The following NR3C1 variants were observed in gnomAD, a reference collection of about 807,000 sequenced individuals.
The protein encoded by NR3C1 is glucocorticoid receptor.
A neutral mutation model predicts 74.0 loss-of-function variants in NR3C1; 14 were observed. That is an observed-to-expected ratio of 0.19 (90% CI 0.12 to 0.30). The LOEUF is 0.30. NR3C1 is among the 10% of genes least tolerant of loss of function. The pLI, the probability that NR3C1 is intolerant of heterozygous loss-of-function variation, is 1.00. For missense variants in NR3C1, 695 were observed against 909.8 expected, an observed-to-expected ratio of 0.76 and a Z score of 3.04; for synonymous variants, 308 against 332.5, an observed-to-expected ratio of 0.93 and a Z score of 0.80.
At chr5:143,330,707 C>A (rs1825772526) in intron 2 of NR3C1, among the ~76,000 whole-genome samples, 1 of 152,162 alleles carries the variant, frequency 6.6e-6, no homozygotes. Context: ...GAAGTGGAAT[C>A]TCTGAAAATA....
intron 2 of NR3C1, among the ~76,000 whole-genome samples, chr5:143,354,715 G>A (rs1477818204): frequency 1.3e-5 from 2 of 152,058 alleles, no homozygotes; most frequent in African/African-American, 4.8e-5. Context: ...CTGAGGTCAG[G>A]AGTTCGAGAC....
intron 2 of NR3C1, among the ~76,000 whole-genome samples, chr5:143,364,769 G>T (rs547178678): frequency 6.6e-6 from 1 of 152,146 alleles, no homozygotes; most frequent in African/African-American, 2.4e-5. Context: ...GCAGTGGTGT[G>T]ATCAAAGTTC....
chr5:143,329,370 A>C (rs1401947665), intron 2 of NR3C1, among the ~76,000 whole-genome samples: 1 of 152,240 alleles, frequency 6.6e-6, no homozygotes, highest in Non-Finnish European at 1.5e-5. Context: ...TTACAATTCA[A>C]GATAAGATTT....
chr5:143,359,907 G>A (rs1831914943), intron 2 of NR3C1, among the ~76,000 whole-genome samples: 1 of 152,094 alleles, frequency 6.6e-6, no homozygotes, highest in African/African-American at 2.4e-5. Context: ...CACAGAACGA[G>A]ACTCCGTCTC....
rs1360665175 is a variant in NR3C1, at chr5:143,279,426, T to A, written c.*2463A>T. 1 of 1,514,018 alleles carries A rather than the reference T, an allele frequency of 6.6e-7. No individual in the cohort carries two copies. Among genetic ancestry groups the A allele is most frequent in the Non-Finnish European group, 8.8e-7 (1 of 1,135,708 alleles). The allele number at this position is 1,514,018 out of a possible 1,614,324, so 93.8% of individuals were successfully genotyped here. ...CACATAACATTCTATAAAGGAATGATAATCTACGTTTTAGAAGCTCTTTTT... is the reference window on the plus strand; with the variant it reads ...CACATAACATTCTATAAAGGAATGAAAATCTACGTTTTAGAAGCTCTTTTT... On this transcript the variant is annotated 3_prime_UTR_variant, in exon 9 of 9. Coordinates refer to ENST00000394464, the MANE Select transcript of NR3C1 (RefSeq NM_000176.3).
At chr5:143,383,831 T>C (rs552829673) in intron 2 of NR3C1, among the ~76,000 whole-genome samples, 1 of 152,360 alleles carries the variant, frequency 6.6e-6, no homozygotes, top group Admixed American at 6.5e-5. Flanking sequence ...CAGGGGGAAC[T>C]GTGACTTGCC....
Position 143,314,167 on chromosome 5 carries a change from G to C in NR3C1, c.1186C>G (p.Pro396Ala), listed in dbSNP as rs773179672. Residue 396 changes from proline to alanine, a missense_variant and splice_region_variant, in exon 3 of 9, where the codon CCC becomes GCC. By Grantham distance (27) the Pro-to-Ala change is conservative (BLOSUM62 -1). Around this residue, in one of 4 missense-constraint regions of NR3C1, gnomAD observed 497 missense variants for 489.5 expected, o/e 1.02. Coordinates refer to ENST00000394464, the MANE Select transcript of NR3C1 (RefSeq NM_000176.3). Reference sequence around the variant, plus strand: ...GAGCTTACATCTGGTCTCATGCTGGGGCTAAAGAAGGGGAAGAACAGTGTT... The same window carrying C: ...GAGCTTACATCTGGTCTCATGCTGGCGCTAAAGAAGGGGAAGAACAGTGTT... ...RTVFSNGYSSPSMRPDVSSPP... is the reference protein window; with the variant it reads ...RTVFSNGYSSASMRPDVSSPP... 2 of 1,613,442 alleles carry C rather than the reference G, an allele frequency of 1.2e-6. No homozygotes were observed. The highest frequency in any genetic ancestry group is 4.5e-5 in the East Asian group (2 of 44,876).
At chr5:143,415,317 A>G (rs1383836895) in intron 1 of NR3C1, among the ~76,000 whole-genome samples, 1 of 151,828 alleles carries the variant, frequency 6.6e-6, no homozygotes, top group Non-Finnish European at 1.5e-5. Flanking sequence ...TGAAATAGAA[A>G]GTAGAATTGT....
At chr5:143,368,741 G>A (rs535843229) in intron 2 of NR3C1, among the ~76,000 whole-genome samples, 3 of 152,280 alleles carry the variant, frequency 2.0e-5, no homozygotes, top group Admixed American at 1.3e-4. Flanking sequence ...ATACCCAATA[G>A]GATGGTGTCT....
chr5:143,299,435 G>A (rs569362882), intron 5 of NR3C1, among the ~76,000 whole-genome samples: 25 of 152,216 alleles, frequency 1.6e-4, no homozygotes, highest in Admixed American at 1.4e-3. Flanking sequence ...TTGGCTTGGC[G>A]GTTACCAGTG....
intron 2 of NR3C1, among the ~76,000 whole-genome samples, chr5:143,377,428 T>C (rs1835400299): frequency 6.6e-6 from 1 of 152,246 alleles, no homozygotes; most frequent in South Asian, 2.1e-4. Context: ...CATCTGATGA[T>C]GCTCTGGGCT....
chr5:143,356,688 CAAA>C (rs34911720), intron 2 of NR3C1, among the ~76,000 whole-genome samples: 1 of 146,842 alleles, frequency 6.8e-6, no homozygotes, highest in South Asian at 2.1e-4. Context: ...TTGTATTTCT[CAAA>C]AAAAAAAACA....
chr5:143,404,111 G>A, upstream of NR3C1: 15 of 985,348 alleles, frequency 1.5e-5, no homozygotes, highest in Middle Eastern at 5.2e-4. Context: ...TCTGCCCCTT[G>A]GCGGCAAGCG....
At chr5:143,382,192 A>C (rs973503410) in intron 2 of NR3C1, among the ~76,000 whole-genome samples, 7 of 152,196 alleles carry the variant, frequency 4.6e-5, no homozygotes, top group Admixed American at 1.3e-4. Context: ...AGAGAAATGC[A>C]AATCAAAACT....
chr5:143,389,980 T>C (rs1027056307), intron 2 of NR3C1: 2 of 940,124 alleles, frequency 2.1e-6, no homozygotes, highest in African/African-American at 3.6e-5. Flanking sequence ...CAGTTTGCTT[T>C]TAGTACAATT....
At chr5:143,359,923 T>C (rs553767301) in intron 2 of NR3C1, among the ~76,000 whole-genome samples, 3 of 151,990 alleles carry the variant, frequency 2.0e-5, no homozygotes, top group South Asian at 2.1e-4. Flanking sequence ...GTCTCAAAAA[T>C]AAAATAAATA....
chr5:143,379,365 G>C (rs1835777925), intron 2 of NR3C1, among the ~76,000 whole-genome samples: 1 of 152,178 alleles, frequency 6.6e-6, no homozygotes, highest in Non-Finnish European at 1.5e-5. Flanking sequence ...AGAAATAAGT[G>C]ATGGAGCTGG....
intron 2 of NR3C1, among the ~76,000 whole-genome samples, chr5:143,323,861 G>A (rs888923438): frequency 6.6e-5 from 10 of 152,100 alleles, no homozygotes; most frequent in African/African-American, 2.2e-4. Context: ...AAGGGGTTAC[G>A]GGGCCCATGC....
chr5:143,405,608 G>C (rs66697623), upstream of NR3C1, among the ~76,000 whole-genome samples: 153 of 152,276 alleles, frequency 1.0e-3, 3 homozygotes, highest in East Asian at 0.022. Context: ...GACGATCTAC[G>C]GGGGCCGCCT....
Sources: gnomAD v4.1 joint callset for allele counts (sites outside exome capture counted in the v4.1 genomes callset) on GRCh38, gnomAD v4.1.1 for gene constraint, gnomAD v4.1.1 regional missense constraint, MANE v1.5 for transcripts, NCBI Gene and HGNC (gene_info 2026-07-23, HGNC 2026-07-21) for gene names.